ATRNL1: variants seen among roughly 807,000 people sequenced by gnomAD.
ATRNL1 encodes the protein attractin-like protein 1.
In ATRNL1, 95 loss-of-function variants were observed where a neutral mutation model predicts 182.7. That is an observed-to-expected ratio of 0.52 (90% CI 0.44 to 0.62). The LOEUF is 0.62. Among genes scored for constraint, ATRNL1 ranks in the 20% least tolerant of loss-of-function variants. The pLI is 0.00. For synonymous variants in ATRNL1, 576 were observed against 568.3 expected, an observed-to-expected ratio of 1.01 and a Z score of -0.19; for missense variants, 1,471 against 1,679.5, an observed-to-expected ratio of 0.88 and a Z score of 2.17.
chr10:115,437,234 A>C lies in ATRNL1; in HGVS notation c.3322+10932A>C, dbSNP rs151238433. Among the ~76,000 whole-genome samples, 3 of 152,210 alleles carry C rather than the reference A, an allele frequency of 2.0e-5. No homozygotes were observed. In the East Asian group the frequency reaches 5.8e-4, roughly 29 times the overall value. ...CACATAGAATATACAGAGCAAAAAT[A>C]GGAAGCTTATGAGATCTGCAAGATC... On this transcript the variant is annotated intron_variant, in intron 21 of 28. Transcript: ENST00000355044.
intron 26 of ATRNL1, among the ~76,000 whole-genome samples, chr10:115,701,565 A>G (rs189800963): frequency 4.7e-4 from 71 of 152,158 alleles, no homozygotes; most frequent in African/African-American, 1.6e-3. Context: ...GTAGATTAGC[A>G]AACAAACTGA....
intron 27 of ATRNL1, among the ~76,000 whole-genome samples, chr10:115,749,615 CTGT>C (rs1555070128): frequency 6.6e-6 from 1 of 151,790 alleles, no homozygotes; most frequent in African/African-American, 2.4e-5. Context: ...TCTTTTATAA[CTGT>C]TATTTCAGCT....
chr10:115,869,254 C>T (rs534733341), intron 28 of ATRNL1, among the ~76,000 whole-genome samples: 1 of 152,270 alleles, frequency 6.6e-6, no homozygotes, highest in African/African-American at 2.4e-5. Flanking sequence ...AAAGAGCTGT[C>T]CAGTCTACTT....
chr10:115,890,626 CCTTTAATAGCT>C (rs1952057102), intron 28 of ATRNL1, among the ~76,000 whole-genome samples: 1 of 152,092 alleles, frequency 6.6e-6, no homozygotes, highest in Non-Finnish European at 1.5e-5. Flanking sequence ...CTTTCTATTT[CCTTTAATAGCT>C]TGTGTTATGA....
intron 28 of ATRNL1, among the ~76,000 whole-genome samples, chr10:115,870,528 C>T (rs781846238): frequency 2.0e-5 from 3 of 152,172 alleles, no homozygotes; most frequent in South Asian, 2.1e-4. Context: ...TTATCTGGGA[C>T]CCAACTGCTC....
chr10:115,778,408 G>T (rs1346890435), intron 27 of ATRNL1, among the ~76,000 whole-genome samples: 1 of 152,202 alleles, frequency 6.6e-6, no homozygotes, highest in Non-Finnish European at 1.5e-5. Context: ...AGTGAATTCA[G>T]TGAAGAGTTT....
intron 28 of ATRNL1, among the ~76,000 whole-genome samples, chr10:115,848,497 C>G (rs1411500128): frequency 6.6e-6 from 1 of 152,152 alleles, no homozygotes; most frequent in East Asian, 1.9e-4. Context: ...TATGCCATTG[C>G]TTTCAGCACC....
At chr10:115,164,945 A>G (rs557960677) in intron 6 of ATRNL1, among the ~76,000 whole-genome samples, 1 of 152,200 alleles carries the variant, frequency 6.6e-6, no homozygotes, top group Non-Finnish European at 1.5e-5. Flanking sequence ...AATTTATTGT[A>G]TATTTCAAAA....
rs1554885400 is a variant in ATRNL1, at chr10:115,171,063, A to G, written c.1119A>G (p.Arg373=). ...AAAACATCTTTATGTATGGAGGCAG[A>G]ATTGAAACAAATGATGGCAATGTCA... ...YQENIFMYGG[R]IETNDGNVTD... is the part of the protein sequence containing the mutation. The change falls in exon 8 of 29, where the codon AGA becomes AGG. Residue 373 remains arginine, a synonymous_variant. Transcript: ENST00000355044. The G allele has an allele frequency of 5.1e-6, 8 of 1,574,376 alleles. No homozygotes were observed. The highest frequency in any genetic ancestry group is 6.9e-6 in the Non-Finnish European group (8 of 1,156,964).
chr10:115,681,093 CAT>C (rs1239498734), intron 26 of ATRNL1, among the ~76,000 whole-genome samples: 1 of 152,218 alleles, frequency 6.6e-6, no homozygotes, highest in Admixed American at 6.5e-5. Context: ...TCTTTCCAGA[CAT>C]GTGGAATGGG....
At chr10:115,687,077 A>G (rs992840584) in intron 26 of ATRNL1, among the ~76,000 whole-genome samples, 2 of 152,012 alleles carry the variant, frequency 1.3e-5, no homozygotes, top group African/African-American at 2.4e-5. Flanking sequence ...ATGATTAGCA[A>G]TTTTGATTTG....
chr10:115,804,894 T>G (rs1949883865), intron 27 of ATRNL1, among the ~76,000 whole-genome samples: 1 of 152,222 alleles, frequency 6.6e-6, no homozygotes, highest in Admixed American at 6.5e-5. Context: ...TTAAAGAAGA[T>G]TAGTCTAAGT....
chr10:115,810,905 A>T (rs539538950), intron 27 of ATRNL1, among the ~76,000 whole-genome samples: 1 of 151,648 alleles, frequency 6.6e-6, no homozygotes. Context: ...CTGGCTAGAG[A>T]TTTATCATAT....
intron 26 of ATRNL1, among the ~76,000 whole-genome samples, chr10:115,725,191 A>G (rs369054676): frequency 3.3e-5 from 5 of 152,288 alleles, no homozygotes; most frequent in Admixed American, 2.0e-4. Context: ...GTTCTTAAAA[A>G]CTGATAGAAA....
At chr10:115,386,392 C>T (rs144464286) in intron 19 of ATRNL1, among the ~76,000 whole-genome samples, 5 of 152,118 alleles carry the variant, frequency 3.3e-5, no homozygotes, top group Non-Finnish European at 5.9e-5. Flanking sequence ...CTTGACCTGG[C>T]GACGGATGAA....
At chr10:115,803,294 A>G (rs546810083) in intron 27 of ATRNL1, among the ~76,000 whole-genome samples, 2 of 151,982 alleles carry the variant, frequency 1.3e-5, no homozygotes, top group South Asian at 4.1e-4. Flanking sequence ...ATTTATGTTA[A>G]TATTTTTAAG....
At chr10:115,297,850 T>C (rs1853281932) in intron 15 of ATRNL1, among the ~76,000 whole-genome samples, 1 of 152,122 alleles carries the variant, frequency 6.6e-6, no homozygotes, top group African/African-American at 2.4e-5. Context: ...AACCTTGAAA[T>C]GTGCTTTTTT....
At chr10:115,506,637 G>C (rs782656492) in intron 24 of ATRNL1, among the ~76,000 whole-genome samples, 1 of 152,074 alleles carries the variant, frequency 6.6e-6, no homozygotes, top group Non-Finnish European at 1.5e-5. Context: ...TGCCTTCCTT[G>C]TTGGAAGCAA....
intron 25 of ATRNL1, among the ~76,000 whole-genome samples, chr10:115,530,530 C>A (rs1411258453): frequency 6.6e-6 from 1 of 152,014 alleles, no homozygotes; most frequent in African/African-American, 2.4e-5. Flanking sequence ...GCTTGAAAAA[C>A]AAGAACAATC....
Sources: allele counts gnomAD v4.1 joint callset (sites outside exome capture counted in the v4.1 genomes callset), GRCh38; gene constraint gnomAD v4.1.1; transcripts MANE v1.5; gene names NCBI Gene and HGNC (gene_info 2026-07-23, HGNC 2026-07-21).